The following FRYL variants were observed in gnomAD, a reference collection of about 807,000 sequenced individuals.
FRYL encodes the protein FRY like transcription coactivator.
A neutral mutation model predicts 351.2 loss-of-function variants in FRYL; 150 were observed. The ratio of observed to expected loss-of-function variants is 0.43; its 90% CI spans 0.37 to 0.49. The LOEUF (loss-of-function observed/expected upper bound fraction) is 0.49. Among genes scored for constraint, FRYL ranks in the 20% least tolerant of loss-of-function variants. The probability of loss-of-function intolerance (pLI) is 0.00; values close to 1 mark genes in which losing one functional copy is unlikely to be tolerated. For synonymous variants in FRYL, 1,153 were observed against 1,257.1 expected, an observed-to-expected ratio of 0.92 and a Z score of 1.75; for missense variants, 3,036 against 3,619.3, an observed-to-expected ratio of 0.84 and a Z score of 4.13.
At chr4:48,528,924 G>C (rs1488092358) in intron 50 of FRYL, among the ~76,000 whole-genome samples, 1 of 152,138 alleles carries the variant, frequency 6.6e-6, no homozygotes, top group Non-Finnish European at 1.5e-5. Context: ...TTTGTAAAGT[G>C]TTTTAAATTT....
chr4:48,648,976 C>T (rs1307528547), intron 3 of FRYL, among the ~76,000 whole-genome samples: 6 of 152,152 alleles, frequency 3.9e-5, no homozygotes, highest in African/African-American at 1.4e-4. Flanking sequence ...GTGAATCTCA[C>T]AATAAAGTTG....
chr4:48,572,333 T>C (rs1343566517), intron 26 of FRYL, among the ~76,000 whole-genome samples: 1 of 152,250 alleles, frequency 6.6e-6, no homozygotes, highest in Non-Finnish European at 1.5e-5. Flanking sequence ...ACTGTTCTAC[T>C]GGTTAAAGCT....
intron 1 of FRYL, among the ~76,000 whole-genome samples, chr4:48,745,920 A>G (rs1231397704): frequency 6.6e-6 from 1 of 152,242 alleles, no homozygotes; most frequent in African/African-American, 2.4e-5. Context: ...GATTGATTTA[A>G]AGATGTCTAG....
intron 1 of FRYL, among the ~76,000 whole-genome samples, chr4:48,739,727 C>G (rs1578885899): frequency 1.3e-5 from 2 of 152,194 alleles, no homozygotes; most frequent in Non-Finnish European, 1.5e-5. Context: ...GTTTGAATGT[C>G]TGCCTCCTCC....
At chr4:48,754,237 T>C (rs1331498387) in intron 1 of FRYL, among the ~76,000 whole-genome samples, 1 of 152,240 alleles carries the variant, frequency 6.6e-6, no homozygotes, top group Admixed American at 6.5e-5. Context: ...TGGATTTACC[T>C]GTTGTGGATA....
At chr4:48,658,100 A>G (rs953345639) in intron 3 of FRYL, among the ~76,000 whole-genome samples, 2 of 152,240 alleles carry the variant, frequency 1.3e-5, no homozygotes, top group Non-Finnish European at 2.9e-5. Context: ...ATTGCTATTT[A>G]GATATGGATC....
At chr4:48,671,424 T>C (rs1762645550) in intron 3 of FRYL, among the ~76,000 whole-genome samples, 2 of 152,066 alleles carry the variant, frequency 1.3e-5, no homozygotes, top group South Asian at 4.1e-4. Context: ...TCCCAGTACT[T>C]AAGGAGACTG....
At chr4:48,648,970 A>C (rs1388239974) in intron 3 of FRYL, among the ~76,000 whole-genome samples, 2 of 152,194 alleles carry the variant, frequency 1.3e-5, no homozygotes, top group Non-Finnish European at 2.9e-5. Context: ...TAGTATGTGA[A>C]TCTCACAATA....
At chr4:48,685,315 C>T (rs1003388019) in intron 2 of FRYL, among the ~76,000 whole-genome samples, 1 of 152,110 alleles carries the variant, frequency 6.6e-6, no homozygotes, top group Admixed American at 6.6e-5. Flanking sequence ...ATCTTTTTAA[C>T]AATTTTCTCT....
At position 48,564,233 on chromosome 4, in the gene FRYL, T is replaced by C. The variant is rs1736215067; in HGVS notation, c.3442-131A>G. 5 of 993,422 alleles carry C rather than the reference T, an allele frequency of 5.0e-6. No homozygotes were observed. In the East Asian group the frequency reaches 1.4e-4, roughly 29 times the overall value. The allele number at this position is 993,422 out of a possible 1,614,324, so 61.5% of individuals were successfully genotyped here. The stretch of plus-strand genomic sequence containing the variant: ...AATAGAAAAATTCCATCTCCTTTTG[T>C]TCACCTCCCTCTCATTTTATTCAGC... On this transcript the variant is annotated intron_variant, in intron 30 of 63. Transcript: ENST00000358350.
chr4:48,535,595 A>ACACACG, intron 48 of FRYL, 62 bp downstream of exon 48: 1 of 914,732 alleles, frequency 1.1e-6, no homozygotes, highest in South Asian at 3.0e-5. Flanking sequence ...ATACACACAC[A>ACACACG]CACACACACA....
chr4:48,582,667 C>T lies in FRYL; in HGVS notation c.1816G>A (p.Asp606Asn), dbSNP rs1741187974. ...AFNTLQALML[D>N]FPDWREDVLS... The stretch of plus-strand genomic sequence containing the variant: ...ACATCCTCCCGCCAATCTGGAAAAT[C>T]AAGCATTAGTGCCTGCAGAGTATTG... The change falls in exon 20 of 64, where the codon GAT (aspartate) becomes AAT (asparagine). Residue 606 changes from aspartate to asparagine, a missense_variant. Physicochemically the swap from Asp to Asn is conservative, Grantham distance 23. This residue lies in a region of FRYL where 492 missense variants were observed against 551.5 expected (regional missense o/e 0.89). Transcript: ENST00000358350. 24 of 1,613,994 alleles carry T rather than the reference C, an allele frequency of 1.5e-5. No homozygotes were observed. Among genetic ancestry groups the T allele is most frequent in the Non-Finnish European group, 2.0e-5 (24 of 1,180,000 alleles).
intron 11 of FRYL, among the ~76,000 whole-genome samples, chr4:48,604,039 T>C (rs538594161): frequency 3.9e-5 from 6 of 152,360 alleles, no homozygotes; most frequent in African/African-American, 1.4e-4. Flanking sequence ...CCCCCTACCC[T>C]GTTTACATTT....
At chr4:48,757,259 G>A (rs1460992399) in intron 1 of FRYL, among the ~76,000 whole-genome samples, 3 of 152,154 alleles carry the variant, frequency 2.0e-5, no homozygotes, top group Non-Finnish European at 2.9e-5. Context: ...GCAGGAGAAG[G>A]AAATAAAGGG....
At chr4:48,528,153 C>T (rs760180407) in intron 51 of FRYL, 22 bp downstream of exon 51, 2 of 1,603,392 alleles carry the variant, frequency 1.2e-6, no homozygotes, top group Admixed American at 3.4e-5. Flanking sequence ...ATGAATGTTC[C>T]ATTTTGATAT....
chr4:48,689,345 A>C (rs1247791380), intron 2 of FRYL, among the ~76,000 whole-genome samples: 1 of 152,232 alleles, frequency 6.6e-6, no homozygotes, highest in Non-Finnish European at 1.5e-5. Context: ...ATGAATGAAT[A>C]TGTATTTTTA....
At chr4:48,678,208 A>G (rs1285957602) in intron 3 of FRYL, among the ~76,000 whole-genome samples, 1 of 152,170 alleles carries the variant, frequency 6.6e-6, no homozygotes, top group Non-Finnish European at 1.5e-5. Flanking sequence ...CTTGGCCAAC[A>G]TGGTGAAAAT....
At chr4:48,571,032 A>G in intron 26 of FRYL, 114 bp from the exon 27 acceptor site, 2 of 731,464 alleles carry the variant, frequency 2.7e-6, no homozygotes, top group Admixed American at 2.4e-5. Flanking sequence ...TTGCTTGTAC[A>G]GTGTAGACTG....
rs763899110 is a variant in FRYL at position 48,498,778 on chromosome 4, A to G, written c.*644T>C. The G allele has an allele frequency of 2.0e-5, 3 of 152,674 alleles. No individual in the cohort carries two copies. Among genetic ancestry groups the G allele is most frequent in the Non-Finnish European group, 4.4e-5 (3 of 68,128 alleles). The allele number at this position is 152,674 out of a possible 1,614,324, so 9.5% of individuals were successfully genotyped here. A position where few individuals can be genotyped will look rare whatever the true frequency, so the allele number is the denominator to read the frequency against. On this transcript the variant is annotated 3_prime_UTR_variant, in exon 64 of 64. Coordinates refer to ENST00000358350, the MANE Select transcript of FRYL (RefSeq NM_015030.2). ...ATGCTCTGAGACGTTATCACCAAAC[A>G]TCCATACCTTGAAAATATGACTATC...
Sources: allele counts gnomAD v4.1 joint callset (sites outside exome capture counted in the v4.1 genomes callset), GRCh38; gene constraint gnomAD v4.1.1; regional missense constraint gnomAD v4.1.1; transcripts MANE v1.5; gene names NCBI Gene and HGNC (gene_info 2026-07-23, HGNC 2026-07-21).